CREB5: variants seen among roughly 807,000 people sequenced by gnomAD.
CREB5 encodes cAMP responsive element binding protein 5, also known as cyclic AMP-responsive element-binding protein 5.
In CREB5, 19 loss-of-function variants were observed where a neutral mutation model predicts 57.1. The ratio of observed to expected loss-of-function variants is 0.33; its 90% CI spans 0.23 to 0.49. The LOEUF (loss-of-function observed/expected upper bound fraction) is 0.49. Among genes scored for constraint, CREB5 ranks in the 20% least tolerant of loss-of-function variants. CREB5 has a pLI of 0.99. For synonymous variants in CREB5, 238 were observed against 238.3 expected (o/e 1.00, Z 0.01); for missense variants, 579 against 671.6 (o/e 0.86, Z 1.52).
intron 5 of CREB5, among the ~76,000 whole-genome samples, chr7:28,701,424 T>C (rs1213303280): frequency 1.3e-5 from 2 of 152,240 alleles, no homozygotes; most frequent in African/African-American, 4.8e-5. Context: ...ATTTATTCTG[T>C]AAAGTACAAA....
At chr7:28,469,299 C>T (rs1467287702) in intron 1 of CREB5, among the ~76,000 whole-genome samples, 1 of 152,196 alleles carries the variant, frequency 6.6e-6, no homozygotes, top group Non-Finnish European at 1.5e-5. Context: ...ATTGCATAAT[C>T]TAACAAATAC....
intron 1 of CREB5, among the ~76,000 whole-genome samples, chr7:28,458,173 T>C (rs1790198354): frequency 3.3e-5 from 5 of 152,178 alleles, no homozygotes; most frequent in Admixed American, 2.6e-4. Context: ...TGAGACTGTG[T>C]CTTACTTATT....
chr7:28,366,051 G>T (rs74555964), intron 1 of CREB5, among the ~76,000 whole-genome samples: 3 of 152,122 alleles, frequency 2.0e-5, no homozygotes, highest in African/African-American at 7.2e-5. Flanking sequence ...ACCATAATTC[G>T]TGTAGAAAAT....
At chr7:28,326,694 T>C (rs2127985551) in intron 1 of CREB5, among the ~76,000 whole-genome samples, 1 of 152,386 alleles carries the variant, frequency 6.6e-6, no homozygotes. Flanking sequence ...TTCATCTTTA[T>C]TAAACTTGAA....
intron 3 of CREB5, among the ~76,000 whole-genome samples, chr7:28,504,398 C>T (rs6462093): frequency 0.21 from 32,283 of 151,958 alleles, 3,857 homozygotes; most frequent in African/African-American, 0.33. Context: ...GGCGGATGCT[C>T]CATTGGTGCA....
chr7:28,651,515 C>T lies in CREB5; in HGVS notation c.465-67238C>T, dbSNP rs1053326524. Among the ~76,000 whole-genome samples the T allele has an allele frequency of 5.3e-5, 8 of 152,058 alleles. No individual in the cohort carries two copies. In the South Asian group the frequency reaches 6.2e-4, roughly 12 times the overall value. ...TCAGCACTTTGAGAGGCCAAGGTGG[C>T]AGGATCGCTTGAGCCCAGGAGTTTG... On this transcript the variant is annotated intron_variant, in intron 5 of 10. Transcript: ENST00000357727.
chr7:28,472,835 G>T (rs1416625105), intron 1 of CREB5, among the ~76,000 whole-genome samples: 1 of 152,174 alleles, frequency 6.6e-6, no homozygotes, highest in Non-Finnish European at 1.5e-5. Flanking sequence ...AGCCCTGGTT[G>T]ATTTGAGGCT....
chr7:28,784,045 C>G (rs1198512575), intron 7 of CREB5, among the ~76,000 whole-genome samples: 2 of 152,238 alleles, frequency 1.3e-5, no homozygotes, highest in Non-Finnish European at 2.9e-5. Context: ...AAAGTGGCCC[C>G]TGCAAGGGTG....
intron 7 of CREB5, among the ~76,000 whole-genome samples, chr7:28,738,446 G>A (rs1448836022): frequency 2.6e-5 from 4 of 152,172 alleles, no homozygotes; most frequent in East Asian, 1.9e-4. Context: ...TGGAACAACC[G>A]TACCCATGAT....
upstream of CREB5, chr7:28,410,420 T>C: frequency 2.2e-6 from 1 of 456,752 alleles, no homozygotes; most frequent in South Asian, 1.5e-5. Context: ...GCAGAATCAC[T>C]TGAACTTTTC....
At position 28,569,771 on chromosome 7, in the gene CREB5, G is replaced by A. The variant is rs192835660; in HGVS notation, c.292-594G>A. Among the ~76,000 whole-genome samples the A allele has an allele frequency of 5.5e-4, 84 of 152,290 alleles. 1 individual carries two copies. The highest frequency in any genetic ancestry group is 1.8e-3 in the African/African-American group (74 of 41,534). ...ATTTTATGAAAATACAGCAGAAAGC[G>A]GCAACTCTTATTCTGATCGTTGGAT... On this transcript the variant is annotated intron_variant, in intron 4 of 10. Transcript: ENST00000357727.
chr7:28,453,658 T>G (rs545964185), intron 1 of CREB5, among the ~76,000 whole-genome samples: 1 of 152,166 alleles, frequency 6.6e-6, no homozygotes, highest in African/African-American at 2.4e-5. Context: ...ATAACACCCC[T>G]CCAATCATGG....
chr7:28,658,469 G>A (rs1327653489), intron 5 of CREB5, among the ~76,000 whole-genome samples: 2 of 152,188 alleles, frequency 1.3e-5, no homozygotes, highest in African/African-American at 4.8e-5. Flanking sequence ...AGTGGTGAAG[G>A]AGGCAAGAGT....
chr7:28,801,574 T>G (rs1808368477), intron 7 of CREB5, among the ~76,000 whole-genome samples: 1 of 152,154 alleles, frequency 6.6e-6, no homozygotes, highest in Non-Finnish European at 1.5e-5. Context: ...AATTCCACAG[T>G]TACAAAATTA....
At chr7:28,331,957 A>C (rs997598930) in intron 1 of CREB5, among the ~76,000 whole-genome samples, 3 of 152,178 alleles carry the variant, frequency 2.0e-5, no homozygotes, top group African/African-American at 7.2e-5. Context: ...TCTTACCCAG[A>C]ACCTTTGAAT....
At chr7:28,727,047 C>T (rs1803370908) in intron 7 of CREB5, among the ~76,000 whole-genome samples, 1 of 151,510 alleles carries the variant, frequency 6.6e-6, no homozygotes, top group Non-Finnish European at 1.5e-5. Flanking sequence ...CAAGCAAACC[C>T]AGTGCCTTTA....
chr7:28,759,359 T>A (rs1429488086), intron 7 of CREB5, among the ~76,000 whole-genome samples: 1 of 152,240 alleles, frequency 6.6e-6, no homozygotes, highest in Non-Finnish European at 1.5e-5. Flanking sequence ...TTCTGCCAGC[T>A]ATGTGAACTC....
Position 28,507,817 on chromosome 7 carries a change from G to A in CREB5, c.291+80G>A, listed in dbSNP as rs149667837. 2.1e-4 allele frequency: 305 copies of A among 1,434,226 alleles called. 1 individual carries two copies. The African/African-American group carries it at 3.2e-3, about 15-fold the overall frequency. 88.8% of individuals were successfully genotyped at this position (1,434,226 alleles called of 1,614,324 possible). ...GGAAACTAGGTGGCACTGCACTGCA[G>A]ATTGTGTTGATGTGGCCTTGAAGTA... is the stretch of plus-strand genomic sequence containing the variant. On this transcript the variant is annotated intron_variant, in intron 4 of 10. Coordinates refer to ENST00000357727, the MANE Select transcript of CREB5 (RefSeq NM_182898.4).
chr7:28,410,203 G>C, upstream of CREB5: 1 of 452,192 alleles, frequency 2.2e-6, no homozygotes, highest in Non-Finnish European at 4.4e-6. Flanking sequence ...CTTGGCTTTC[G>C]CTCCAGGCGC....
Sources: gnomAD v4.1 joint callset for allele counts (sites outside exome capture counted in the v4.1 genomes callset) on GRCh38, gnomAD v4.1.1 for gene constraint, MANE v1.5 for transcripts, NCBI Gene and HGNC (gene_info 2026-07-23, HGNC 2026-07-21) for gene names.